The following DPY19L1 variants were observed in gnomAD, a reference collection of about 807,000 sequenced individuals.
DPY19L1 encodes protein C-mannosyl-transferase DPY19L1.
Under a neutral mutation model 96.9 loss-of-function variants are expected in DPY19L1, and 35 were observed. The observed-to-expected ratio is 0.36, with a 90% CI of 0.28 to 0.48. The LOEUF is 0.48. Among genes scored for constraint, DPY19L1 ranks in the 20% least tolerant of loss-of-function variants. The pLI is 0.99. For synonymous variants in DPY19L1, 205 were observed against 252.6 expected, an observed-to-expected ratio of 0.81 and a Z score of 1.79; for missense variants, 521 against 777.9, an observed-to-expected ratio of 0.67 and a Z score of 3.93.
At chr7:34,963,161 C>A (rs147924162) in intron 10 of DPY19L1, among the ~76,000 whole-genome samples, 4,080 of 140,926 alleles carry the variant, frequency 0.029, 84 homozygotes, top group Non-Finnish European at 0.041. Context: ...TGCCACTGCA[C>A]TCCAGCCTGG....
chr7:34,934,258 C>T (rs1480499275), intron 21 of DPY19L1, among the ~76,000 whole-genome samples: 10 of 152,150 alleles, frequency 6.6e-5, no homozygotes, highest in Admixed American at 2.6e-4. Context: ...CCACCGCGCC[C>T]GGCCACATCT....
chr7:34,964,300 A>G (rs1784566452), intron 10 of DPY19L1, among the ~76,000 whole-genome samples: 1 of 152,216 alleles, frequency 6.6e-6, no homozygotes, highest in Admixed American at 6.5e-5. Flanking sequence ...TTATAATTTT[A>G]TAACTATAAC....
intron 14 of DPY19L1, 78 bp from the exon 15 acceptor site, chr7:34,947,779 A>G (rs535401892): frequency 1.7e-6 from 2 of 1,167,502 alleles, no homozygotes; most frequent in South Asian, 2.7e-5. Context: ...TGAAATAGGT[A>G]AATTTCTGAA....
intron 1 of DPY19L1, among the ~76,000 whole-genome samples, chr7:35,021,972 G>T (rs1444312029): frequency 6.6e-6 from 1 of 152,076 alleles, no homozygotes; most frequent in Non-Finnish European, 1.5e-5. Context: ...TATGTCACTT[G>T]AACATGAAAG....
Position 35,013,560 on chromosome 7 carries a change from T to C in DPY19L1, c.549+8A>G. 1.2e-6 allele frequency: 2 copies of C among 1,606,916 alleles called. No individual in the cohort carries two copies. The highest frequency in any genetic ancestry group is 1.7e-5 in the Admixed American group (1 of 59,562). On this transcript the variant is annotated splice_region_variant and intron_variant, in intron 4 of 21. Transcript: ENST00000638088. ...AGTGAAAAATCACAATTGGAAAAAG[T>C]ACCTTACCTCAGGGTAAAGATTGAA...
chr7:34,974,858 A>G (rs1311774943), intron 7 of DPY19L1, among the ~76,000 whole-genome samples: 2 of 152,116 alleles, frequency 1.3e-5, no homozygotes, highest in Non-Finnish European at 2.9e-5. Context: ...GGTAATTTTC[A>G]TAATATTTCA....
At chr7:35,022,830 T>C (rs1786026615) in intron 1 of DPY19L1, among the ~76,000 whole-genome samples, 1 of 152,230 alleles carries the variant, frequency 6.6e-6, no homozygotes, top group African/African-American at 2.4e-5. Flanking sequence ...ATTTACTTTG[T>C]GCAGATTAGA....
At chr7:34,994,379 T>C (rs1200046482) in intron 6 of DPY19L1, among the ~76,000 whole-genome samples, 7 of 152,088 alleles carry the variant, frequency 4.6e-5, no homozygotes, top group East Asian at 3.9e-4. Context: ...TTAAAAAAAA[T>C]GACACTTGGG....
chr7:34,958,185 G>T, intron 10 of DPY19L1, 115 bp from the exon 11 acceptor site: 1 of 630,770 alleles, frequency 1.6e-6, no homozygotes, highest in Non-Finnish European at 2.6e-6. Context: ...GTTGAAAAGG[G>T]ACTATAAAAC....
chr7:34,986,366 T>C (rs1199894913), intron 7 of DPY19L1, among the ~76,000 whole-genome samples: 2 of 152,062 alleles, frequency 1.3e-5, no homozygotes, highest in Non-Finnish European at 2.9e-5. Context: ...TGACTCTTTC[T>C]ACAATGTATA....
intron 6 of DPY19L1, among the ~76,000 whole-genome samples, chr7:34,997,494 C>G (rs912808658): frequency 1.3e-5 from 2 of 149,316 alleles, no homozygotes; most frequent in African/African-American, 2.5e-5. Context: ...CCTGTAGTCC[C>G]AGCTACTCGG....
chr7:34,965,148 G>C (rs2128666592), intron 10 of DPY19L1, among the ~76,000 whole-genome samples: 1 of 152,230 alleles, frequency 6.6e-6, no homozygotes, highest in South Asian at 2.1e-4. Context: ...AAATACCCTA[G>C]AGAAACTCTC....
chr7:35,027,852 A>C (rs536160865), intron 1 of DPY19L1, among the ~76,000 whole-genome samples: 1 of 152,068 alleles, frequency 6.6e-6, no homozygotes, highest in South Asian at 2.1e-4. Flanking sequence ...AAATAAATAA[A>C]TAAAAATAAA....
At chr7:34,956,334 A>G (rs915272568) in intron 11 of DPY19L1, among the ~76,000 whole-genome samples, 6 of 152,154 alleles carry the variant, frequency 3.9e-5, no homozygotes, top group African/African-American at 1.4e-4. Flanking sequence ...TAAACAGAGA[A>G]CACAGAACTG....
intron 6 of DPY19L1, among the ~76,000 whole-genome samples, chr7:34,995,931 G>T (rs1785274241): frequency 7.2e-6 from 1 of 139,602 alleles, no homozygotes; most frequent in Admixed American, 7.1e-5. Flanking sequence ...GGGGCGGTGG[G>T]GGGGATTCAC....
chr7:35,028,294 G>A lies in DPY19L1; in HGVS notation c.298+8803C>T, dbSNP rs577847643. On this transcript the variant is annotated intron_variant, in intron 1 of 21. Transcript: ENST00000638088. ...GGAGGAAATGCCTTAGAAATCACAA[G>A]AGCATCAAGGACAAAACGATTTATT... Among the ~76,000 whole-genome samples, 175 of 152,260 alleles carry A rather than the reference G, an allele frequency of 1.1e-3. 1 individual carries two copies. Among genetic ancestry groups the A allele is most frequent in the Non-Finnish European group, 1.9e-3 (131 of 68,022 alleles).
chr7:34,957,819 T>C (rs62701363), intron 11 of DPY19L1, among the ~76,000 whole-genome samples, 165 bp downstream of exon 11: 30 of 150,638 alleles, frequency 2.0e-4, no homozygotes, highest in African/African-American at 2.9e-4. Flanking sequence ...GTTTTTTTTT[T>C]CCCTGTTTTA....
intron 1 of DPY19L1, among the ~76,000 whole-genome samples, chr7:35,025,072 A>G (rs1032198799): frequency 6.6e-6 from 1 of 152,234 alleles, no homozygotes; most frequent in African/African-American, 2.4e-5. Flanking sequence ...ATTTTTATAT[A>G]TACAATACAA....
intron 6 of DPY19L1, among the ~76,000 whole-genome samples, chr7:34,991,591 C>T (rs1408005414): frequency 5.3e-5 from 8 of 152,214 alleles, no homozygotes; most frequent in Admixed American, 3.9e-4. Context: ...ATAGAGTTAA[C>T]GGTTTAAAAA....
Sources: gnomAD v4.1 joint callset for allele counts (sites outside exome capture counted in the v4.1 genomes callset) on GRCh38, gnomAD v4.1.1 for gene constraint, MANE v1.5 for transcripts, NCBI Gene and HGNC (gene_info 2026-07-23, HGNC 2026-07-21) for gene names.